Variants in XKR6 observed in about 807,000 individuals in gnomAD.
XKR6 encodes XK-related protein 6.
XKR6 carries 22 observed loss-of-function variants against 56.7 expected under a neutral mutation model. That is an observed-to-expected ratio of 0.39 (90% CI 0.28 to 0.55). XKR6 has a LOEUF of 0.55. XKR6 is among the 20% of genes least tolerant of loss of function. XKR6 has a pLI of 0.66. For missense variants in XKR6, 852 were observed against 889.0 expected, an observed-to-expected ratio of 0.96 and a Z score of 0.53; for synonymous variants, 524 against 387.8, an observed-to-expected ratio of 1.35 and a Z score of -4.13.
intron 1 of XKR6, among the ~76,000 whole-genome samples, chr8:11,084,096 A>C (rs1414593986): frequency 6.6e-6 from 1 of 152,230 alleles, no homozygotes; most frequent in East Asian, 1.9e-4. Context: ...CTTTCCTCTA[A>C]GCCTCAGTTT....
chr8:11,090,889 A>G (rs1030758500), intron 1 of XKR6, among the ~76,000 whole-genome samples: 2 of 139,054 alleles, frequency 1.4e-5, no homozygotes, highest in African/African-American at 6.0e-5. Context: ...ATTCCTAACT[A>G]TAATTCATGA....
chr8:11,140,472 A>G (rs1800635960), intron 1 of XKR6, among the ~76,000 whole-genome samples: 1 of 152,222 alleles, frequency 6.6e-6, no homozygotes, highest in Non-Finnish European at 1.5e-5. Flanking sequence ...TGCCAGAAGG[A>G]AACAGAGAAA....
Position 11,200,929 on chromosome 8 carries a change from C to A in XKR6, c.411G>T (p.Leu137=). The A allele has an allele frequency of 6.2e-7, 1 of 1,606,216 alleles. No homozygotes were observed. The highest frequency in any genetic ancestry group is 1.7e-4 in the Middle Eastern group (1 of 6,050). Reference sequence around the variant, plus strand: ...CGGTGCCCACGTCCCCGAAGAACACCAGCAGCGCCAGCACGATCCACAGGC... The same window carrying A: ...CGGTGCCCACGTCCCCGAAGAACACAAGCAGCGCCAGCACGATCCACAGGC... ...LDCLWIVLAL[L]VFFGDVGTDL... Residue 137 remains leucine, a synonymous_variant, in exon 1 of 3, where the codon CTG becomes CTT. Transcript: ENST00000416569. The surrounding 1 kb of genome is among the most constrained non-coding windows in gnomAD (Gnocchi z 6.4).
intron 1 of XKR6, among the ~76,000 whole-genome samples, chr8:10,948,289 C>G (rs1801611056): frequency 6.6e-6 from 1 of 152,332 alleles, no homozygotes; most frequent in African/African-American, 2.4e-5. Flanking sequence ...GATGGACCCT[C>G]TCCCTCAGCG....
At chr8:11,118,047 C>T (rs888427294) in intron 1 of XKR6, among the ~76,000 whole-genome samples, 3 of 152,072 alleles carry the variant, frequency 2.0e-5, no homozygotes, top group Non-Finnish European at 2.9e-5. Context: ...ACGTTATTTA[C>T]CAAAATGTTA....
chr8:11,125,245 G>C (rs929532479), intron 1 of XKR6, among the ~76,000 whole-genome samples: 1 of 152,096 alleles, frequency 6.6e-6, no homozygotes, highest in Non-Finnish European at 1.5e-5. Flanking sequence ...GACCGGAGGC[G>C]AGGCAACCGC....
intron 1 of XKR6, among the ~76,000 whole-genome samples, chr8:11,029,130 G>A (rs1798935483): frequency 6.6e-6 from 1 of 152,086 alleles, no homozygotes; most frequent in Non-Finnish European, 1.5e-5. Context: ...TTTCATGTGA[G>A]CTGTCCCCAA....
Position 11,201,263 on chromosome 8 carries a change from C to A in XKR6, c.77G>T (p.Ser26Ile). 1 of 1,573,428 alleles carries A rather than the reference C, an allele frequency of 6.4e-7. No individual in the cohort carries two copies. Among genetic ancestry groups the A allele is most frequent in the East Asian group, 2.4e-5 (1 of 42,406 alleles). ...GGGCTCCCCGTCCTCCTCGCCGCCG[C>A]TGCCCACCGCCTCGTCCAGGTTGTG... ...QLHNLDEAVG[S>I]GGEEDGEPGG... Residue 26 changes from serine to isoleucine, a missense_variant, in exon 1 of 3, where the codon AGC becomes ATC. Physicochemically the swap from Ser to Ile is moderately radical, Grantham distance 142. Coordinates refer to ENST00000416569, the MANE Select transcript of XKR6 (RefSeq NM_173683.4).
chr8:11,066,170 C>A (rs1280542072), intron 1 of XKR6, among the ~76,000 whole-genome samples: 2 of 152,226 alleles, frequency 1.3e-5, no homozygotes, highest in African/African-American at 4.8e-5. Context: ...TAAGACAGCC[C>A]TCCCTGTGGC....
At chr8:11,124,206 T>C in intron 1 of XKR6, 1 of 354,380 alleles carries the variant, frequency 2.8e-6, no homozygotes, top group Non-Finnish European at 5.6e-6. Context: ...CCAACCTTAA[T>C]GCTATTCTAT....
chr8:10,976,039 A>G (rs1265723872), intron 1 of XKR6, among the ~76,000 whole-genome samples: 3 of 152,034 alleles, frequency 2.0e-5, no homozygotes, highest in Non-Finnish European at 2.9e-5. Context: ...AGCTGGGCGC[A>G]ATGGCGGGCG....
chr8:10,897,996 C>G lies in XKR6; in HGVS notation c.1882G>C (p.Gly628Arg). 1 of 1,609,248 alleles carries G rather than the reference C, an allele frequency of 6.2e-7. No homozygotes were observed. Among genetic ancestry groups the G allele is most frequent in the Non-Finnish European group, 8.5e-7 (1 of 1,178,074 alleles). The part of the protein sequence containing the change: ...PTAVGIRYRD[G>R]PLLYELLQYE... ...TGTAGCAACTCATAGAGGAGTGGTC[C>G]GTCTCGATATCGAATGCCTACTGCG... The change falls in exon 3 of 3, where the codon GGA becomes CGA. Residue 628 changes from glycine (G) to arginine (R), a missense_variant. By Grantham distance (125) the Gly-to-Arg change is moderately radical. Around this residue, in one of 4 missense-constraint regions of XKR6, gnomAD observed 39 missense variants for 62.5 expected, o/e 0.62. Coordinates refer to ENST00000416569, the MANE Select transcript of XKR6 (RefSeq NM_173683.4).
At chr8:11,198,041 T>A (rs1585046409) in intron 1 of XKR6, among the ~76,000 whole-genome samples, 1 of 152,348 alleles carries the variant, frequency 6.6e-6, no homozygotes, top group Non-Finnish European at 1.5e-5. Context: ...CTTTATGTTA[T>A]GTGACCATAA....
At chr8:11,198,807 A>G (rs932850938) in intron 1 of XKR6, among the ~76,000 whole-genome samples, 5 of 152,058 alleles carry the variant, frequency 3.3e-5, no homozygotes, top group Non-Finnish European at 5.9e-5. Flanking sequence ...CTACCAGTAC[A>G]TGCTGCTGAA....
At chr8:11,161,551 T>G (rs990481554) in intron 1 of XKR6, among the ~76,000 whole-genome samples, 4 of 152,250 alleles carry the variant, frequency 2.6e-5, no homozygotes, top group African/African-American at 9.6e-5. Context: ...ATCATCCCCA[T>G]GCTGGGGCAC....
chr8:11,161,501 A>G (rs985434827), intron 1 of XKR6, among the ~76,000 whole-genome samples: 2 of 152,224 alleles, frequency 1.3e-5, no homozygotes, highest in African/African-American at 2.4e-5. Context: ...CTGAACTACA[A>G]CTAAACTCAG....
intron 1 of XKR6, among the ~76,000 whole-genome samples, chr8:11,184,885 C>G (rs998389399): frequency 3.3e-5 from 5 of 152,160 alleles, no homozygotes; most frequent in Non-Finnish European, 7.4e-5. Flanking sequence ...TACTAACACA[C>G]AAACCAAATA....
intron 2 of XKR6, among the ~76,000 whole-genome samples, chr8:10,909,881 A>AT (rs1800299207): frequency 6.6e-6 from 1 of 151,786 alleles, no homozygotes. Flanking sequence ...CAGTGTCCCT[A>AT]TTTTTCAGAG....
At chr8:10,927,356 G>C (rs1045602643) in intron 1 of XKR6, among the ~76,000 whole-genome samples, 8 of 152,096 alleles carry the variant, frequency 5.3e-5, no homozygotes, top group Admixed American at 5.2e-4. Context: ...TGCCCCCTGT[G>C]ACCCAAACCC....
Sources: gnomAD v4.1 joint callset for allele counts (sites outside exome capture counted in the v4.1 genomes callset) on GRCh38, gnomAD v4.1.1 for gene constraint, gnomAD v4.1.1 regional missense constraint, Gnocchi (gnomAD v3.1) non-coding constraint, MANE v1.5 for transcripts, NCBI Gene and HGNC (gene_info 2026-07-23, HGNC 2026-07-21) for gene names.